Variants in DNAH3 observed in about 807,000 individuals in gnomAD.
DNAH3 encodes the protein dynein axonemal heavy chain 3.
DNAH3 carries 332 observed loss-of-function variants against 432.5 expected under a neutral mutation model. The ratio of observed to expected loss-of-function variants is 0.77; its 90% CI spans 0.70 to 0.84. The LOEUF (loss-of-function observed/expected upper bound fraction) is 0.84. Ranked by LOEUF, DNAH3 falls within the 40% of genes least tolerant of loss-of-function variation. DNAH3 has a pLI of 0.00. For missense variants in DNAH3, 4,861 were observed against 5,114.0 expected, an observed-to-expected ratio of 0.95 and a Z score of 1.51; for synonymous variants, 1,956 against 1,900.2, an observed-to-expected ratio of 1.03 and a Z score of -0.76.
chr16:21,051,722 G>A (rs1255817622), exon 29 of DNAH3: 1 of 1,613,908 alleles, frequency 6.2e-7, no homozygotes, highest in Non-Finnish European at 8.5e-7. Flanking sequence ...GAGTTTCCCA[G>A]GTACTCATAG....
chr16:21,073,656 T>C (rs2090873133), intron 21 of DNAH3, among the ~76,000 whole-genome samples: 2 of 152,178 alleles, frequency 1.3e-5, no homozygotes, highest in Non-Finnish European at 2.9e-5. Flanking sequence ...TGCTCCTTTA[T>C]CTTTCCCCTA....
At chr16:21,095,572 C>A (rs1286783726) in intron 18 of DNAH3, among the ~76,000 whole-genome samples, 1 of 151,988 alleles carries the variant, frequency 6.6e-6, no homozygotes, top group African/African-American at 2.4e-5. Context: ...AGGAGACAGT[C>A]CAAAGAAATT....
chr16:21,097,353 A>G lies in DNAH3; in HGVS notation c.2665+2T>C, dbSNP rs1175166272. On this transcript the variant is annotated splice_donor_variant, in intron 18 of 61. Coordinates refer to ENST00000261383, the Ensembl canonical transcript of DNAH3. LOFTEE classifies it high-confidence loss of function. ...TCCCAGCAGAGTGAGATCACCACATACCATTCATCCATTCCTCTGACTTGA... is the reference window on the plus strand; with the variant it reads ...TCCCAGCAGAGTGAGATCACCACATGCCATTCATCCATTCCTCTGACTTGA... The G allele has an allele frequency of 6.2e-7, 1 of 1,613,298 alleles. No individual in the cohort carries two copies. Among genetic ancestry groups the G allele is most frequent in the Non-Finnish European group, 8.5e-7 (1 of 1,179,886 alleles).
exon 32 of DNAH3, chr16:21,042,099 G>C (rs199915630): frequency 1.2e-6 from 2 of 1,613,818 alleles, no homozygotes; most frequent in Admixed American, 3.3e-5. Flanking sequence ...CGCAGGTTGG[G>C]TTCAGAGAGA....
At position 21,075,632 on chromosome 16, in the gene DNAH3, G is replaced by A; in HGVS notation, c.2970-71C>T. The A allele has an allele frequency of 6.7e-6, 8 of 1,200,676 alleles. No individual in the cohort carries two copies. The South Asian group carries it at 9.7e-5, about 15-fold the overall frequency. The allele number at this position is 1,200,676 out of a possible 1,614,324, so 74.4% of individuals were successfully genotyped here. Reference sequence around the variant, plus strand: ...AGACACATCAAAGGAGGAACTTCAGGCCAGGCATGGTGGCTCATGCCTGTA... The same window carrying A: ...AGACACATCAAAGGAGGAACTTCAGACCAGGCATGGTGGCTCATGCCTGTA... On this transcript the variant is annotated intron_variant, in intron 20 of 61. Coordinates refer to ENST00000261383, the Ensembl canonical transcript of DNAH3.
At chr16:21,145,907 C>T in intron 2 of DNAH3, 77 bp downstream of exon 3, 1 of 957,686 alleles carries the variant, frequency 1.0e-6, no homozygotes, top group Non-Finnish European at 1.7e-6. Context: ...TGAGTACCTG[C>T]CAAATACGGA....
At chr16:21,138,288 C>T (rs2092670786) in intron 5 of DNAH3, among the ~76,000 whole-genome samples, 1 of 151,914 alleles carries the variant, frequency 6.6e-6, no homozygotes, top group South Asian at 2.1e-4. Flanking sequence ...CTGCTGCCAG[C>T]CTCTTTGTTA....
At chr16:20,975,096 G>T in intron 51 of DNAH3, 137 bp downstream of exon 51, 1 of 1,001,442 alleles carries the variant, frequency 1.0e-6, no homozygotes, top group Non-Finnish European at 1.5e-6. Flanking sequence ...CTCCCAAAGT[G>T]CTGGGATTAC....
chr16:20,987,975 T>C (rs771178171), exon 45 of DNAH3: 1 of 1,614,136 alleles, frequency 6.2e-7, no homozygotes, highest in Admixed American at 1.7e-5. Context: ...TTTCCCGAAG[T>C]GCCAGTCAAC....
At chr16:20,973,787 T>C (rs1039770685) in intron 51 of DNAH3, among the ~76,000 whole-genome samples, 3 of 152,226 alleles carry the variant, frequency 2.0e-5, no homozygotes, top group African/African-American at 7.2e-5. Flanking sequence ...AAATATTTAT[T>C]CCACGCCTAC....
At chr16:21,031,838 G>C (rs1046343053) in intron 36 of DNAH3, among the ~76,000 whole-genome samples, 10 of 152,256 alleles carry the variant, frequency 6.6e-5, no homozygotes, top group South Asian at 6.2e-4. Context: ...GACCAGCCTG[G>C]CCAATATGGT....
At chr16:21,077,167 A>AT (rs61580346) in intron 20 of DNAH3, among the ~76,000 whole-genome samples, 6 of 150,784 alleles carry the variant, frequency 4.0e-5, no homozygotes, top group South Asian at 2.1e-4. Flanking sequence ...GATTTCTTTT[A>AT]TTTTTTTTTC....
At chr16:20,965,325 T>C in exon 53 of DNAH3, 1 of 1,608,642 alleles carries the variant, frequency 6.2e-7, no homozygotes, top group Non-Finnish European at 8.5e-7. Flanking sequence ...TCATGGTCAG[T>C]GGGGGGATGT....
intron 23 of DNAH3, 70 bp downstream of exon 23, chr16:21,069,345 T>C: frequency 7.5e-7 from 1 of 1,336,240 alleles, no homozygotes. Flanking sequence ...TCAAGGAAGG[T>C]GACTAGAATG....
At chr16:21,011,339 C>A (rs28414935) in intron 41 of DNAH3, among the ~76,000 whole-genome samples, 2,606 of 152,210 alleles carry the variant, frequency 0.017, 68 homozygotes, top group African/African-American at 0.059. Context: ...TAATTTATCT[C>A]TGAACTTTCT....
chr16:21,150,980 G>C (rs1416643967), intron 1 of DNAH3, among the ~76,000 whole-genome samples, 134 bp from the exon 1 acceptor site: 1 of 152,154 alleles, frequency 6.6e-6, no homozygotes, highest in Non-Finnish European at 1.5e-5. Context: ...AGGAAGTGTT[G>C]GTGACAGAAG....
chr16:21,140,401 C>T (rs554069317), intron 5 of DNAH3, 135 bp downstream of exon 6: 1 of 877,660 alleles, frequency 1.1e-6, no homozygotes, highest in African/African-American at 1.7e-5. Context: ...TCTTCAGTAG[C>T]CTGTCTTGGG....
chr16:20,969,250 A>G (rs1053877240), intron 52 of DNAH3, among the ~76,000 whole-genome samples: 6 of 149,144 alleles, frequency 4.0e-5, no homozygotes, highest in African/African-American at 1.5e-4. Flanking sequence ...GTGTGCATGT[A>G]TGTCTATATG....
chr16:21,042,584 C>A (rs1256971641), intron 31 of DNAH3, among the ~76,000 whole-genome samples: 1 of 152,094 alleles, frequency 6.6e-6, no homozygotes, highest in Non-Finnish European at 1.5e-5. Context: ...TGTACTTCTA[C>A]TATAGACTTT....
Sources: allele counts gnomAD v4.1 joint callset (sites outside exome capture counted in the v4.1 genomes callset), GRCh38; gene constraint gnomAD v4.1.1; transcripts MANE v1.5; gene names NCBI Gene and HGNC (gene_info 2026-07-23, HGNC 2026-07-21).